Variants in WWOX observed in about 807,000 individuals in gnomAD.
The protein encoded by WWOX is WW domain containing oxidoreductase.
In WWOX, 69 loss-of-function variants were observed where a neutral mutation model predicts 46.2. That is an observed-to-expected ratio of 1.49 (90% CI 1.23 to 1.82). The LOEUF (loss-of-function observed/expected upper bound fraction) is 1.82, where lower values mean the gene tolerates loss of function less well. Ranked by LOEUF, WWOX falls within the 40% of genes most tolerant of loss-of-function variation. WWOX has a pLI of 0.00. For synonymous variants in WWOX, 359 were observed against 202.6 expected, an observed-to-expected ratio of 1.77 and a Z score of -6.56; for missense variants, 919 against 542.6, an observed-to-expected ratio of 1.69 and a Z score of -6.89.
At chr16:78,552,705 A>G (rs1174613798) in intron 8 of WWOX, 1 of 152,240 alleles carries the variant, frequency 6.6e-6, no homozygotes, top group Non-Finnish European at 1.5e-5. Flanking sequence ...AAGAAAAAGC[A>G]GATTTTAAGT....
rs536098243 is a variant in WWOX at position 78,598,318 on chromosome 16, C to G, written c.1056+165566C>G. 1.4e-4 allele frequency among the ~76,000 whole-genome samples: 21 copies of G among 152,314 alleles called. No individual in the cohort carries two copies. In the South Asian group the frequency reaches 4.1e-3, roughly 30 times the overall value. On this transcript the variant is annotated intron_variant, in intron 8 of 8. Transcript: ENST00000566780. Reference sequence around the variant, plus strand: ...GGATTGTGTTTTAAGATGTGTAAGACTGTCTGTCACGTGGGAGGATTTCAA... The same window carrying G: ...GGATTGTGTTTTAAGATGTGTAAGAGTGTCTGTCACGTGGGAGGATTTCAA...
chr16:79,056,021 A>T (rs894743599), intron 8 of WWOX, among the ~76,000 whole-genome samples: 2 of 152,152 alleles, frequency 1.3e-5, no homozygotes, highest in African/African-American at 4.8e-5. Context: ...AGTACTTTCC[A>T]TGAAATAGAA....
chr16:78,174,998 G>GTAATAC (rs1555548219), intron 5 of WWOX, among the ~76,000 whole-genome samples: 1 of 140,880 alleles, frequency 7.1e-6, no homozygotes, highest in African/African-American at 2.6e-5. Context: ...AAAAATAATA[G>GTAATAC]TAATAATAAT....
At chr16:79,195,028 C>G (rs1405265542) in intron 8 of WWOX, among the ~76,000 whole-genome samples, 2 of 152,146 alleles carry the variant, frequency 1.3e-5, no homozygotes, top group Non-Finnish European at 2.9e-5. Context: ...ATGCCTGTTC[C>G]ATATGAGAAC....
At chr16:78,433,050 T>G (rs887588329) in intron 8 of WWOX, among the ~76,000 whole-genome samples, 1 of 152,146 alleles carries the variant, frequency 6.6e-6, no homozygotes, top group Non-Finnish European at 1.5e-5. Context: ...TTTTTGGGGT[T>G]TTTTATTCAG....
chr16:78,350,768 C>T (rs1167928958), intron 5 of WWOX, among the ~76,000 whole-genome samples: 2 of 120,754 alleles, frequency 1.7e-5, no homozygotes, highest in Non-Finnish European at 4.0e-5. Context: ...CACTTGTCTA[C>T]ACATTTTTGT....
At chr16:78,546,152 A>G (rs911932872) in intron 8 of WWOX, among the ~76,000 whole-genome samples, 7 of 152,202 alleles carry the variant, frequency 4.6e-5, no homozygotes, top group African/African-American at 1.7e-4. Flanking sequence ...ATAATTAATC[A>G]CAAAAAGCTA....
rs543322714 is a variant in WWOX, at chr16:78,678,362, C to T, written c.1056+245610C>T. Among the ~76,000 whole-genome samples the T allele has an allele frequency of 5.9e-5, 9 of 152,220 alleles. No homozygotes were observed. The South Asian group carries it at 1.0e-3, about 18-fold the overall frequency. On this transcript the variant is annotated intron_variant, in intron 8 of 8. Coordinates refer to ENST00000566780, the MANE Select transcript of WWOX (RefSeq NM_016373.4). ...CTGCACTTCAGCCTGGGCAACAGAG[C>T]GAGACCTTCTGTCTAAAAATATTTA...
chr16:78,251,766 A>G (rs1260442473), intron 5 of WWOX, among the ~76,000 whole-genome samples: 1 of 152,174 alleles, frequency 6.6e-6, no homozygotes, highest in African/African-American at 2.4e-5. Flanking sequence ...AAGTAATTCT[A>G]TCGTTAAAGG....
intron 8 of WWOX, among the ~76,000 whole-genome samples, chr16:78,819,274 G>A (rs1332427832): frequency 6.6e-6 from 1 of 152,122 alleles, no homozygotes; most frequent in Non-Finnish European, 1.5e-5. Flanking sequence ...TGATTCTGGA[G>A]GCAAGACTCA....
At chr16:78,238,067 C>T (rs2037501782) in intron 5 of WWOX, 1 of 152,210 alleles carries the variant, frequency 6.6e-6, no homozygotes, top group African/African-American at 2.4e-5. Context: ...CCTCAACCCT[C>T]AACTCACTTC....
intron 5 of WWOX, among the ~76,000 whole-genome samples, chr16:78,267,475 A>G (rs775736977): frequency 5.3e-5 from 8 of 152,214 alleles, no homozygotes; most frequent in Non-Finnish European, 1.2e-4. Flanking sequence ...AAGTGTCAGT[A>G]GCTTTCATGA....
At chr16:78,386,222 C>G (rs531258633) in intron 5 of WWOX, among the ~76,000 whole-genome samples, 2 of 152,128 alleles carry the variant, frequency 1.3e-5, no homozygotes, top group Admixed American at 1.3e-4. Context: ...AATGTCCAGC[C>G]CGTGGCAGGC....
At chr16:78,689,545 T>G (rs960468126) in intron 8 of WWOX, among the ~76,000 whole-genome samples, 1 of 152,206 alleles carries the variant, frequency 6.6e-6, no homozygotes, top group African/African-American at 2.4e-5. Flanking sequence ...AGAGTCATTC[T>G]AAGTCAGTCT....
chr16:78,995,437 G>C (rs867248911), intron 8 of WWOX, among the ~76,000 whole-genome samples: 1 of 152,088 alleles, frequency 6.6e-6, no homozygotes, highest in African/African-American at 2.4e-5. Flanking sequence ...GTCCTCAGCC[G>C]TAAGAAAGAA....
intron 6 of WWOX, among the ~76,000 whole-genome samples, chr16:78,403,135 AAATGCATGAG>A (rs2082451465): frequency 6.6e-6 from 1 of 152,362 alleles, no homozygotes; most frequent in African/African-American, 2.4e-5. Flanking sequence ...GAGATGTACA[AAATGCATGAG>A]ATGTTTTATT....
At chr16:78,884,775 T>G (rs2044418491) in intron 8 of WWOX, among the ~76,000 whole-genome samples, 1 of 152,238 alleles carries the variant, frequency 6.6e-6, no homozygotes, top group Non-Finnish European at 1.5e-5. Context: ...TAATGACACA[T>G]GTATGTTTTG....
chr16:79,132,127 AACACAC>A (rs141785224), intron 8 of WWOX, among the ~76,000 whole-genome samples: 13,426 of 141,470 alleles, frequency 0.095, 844 homozygotes, highest in African/African-American at 0.19. Flanking sequence ...CACTTGCAGA[AACACAC>A]ACACACACAC....
At chr16:78,418,710 A>C (rs913746399) in intron 6 of WWOX, among the ~76,000 whole-genome samples, 2 of 152,156 alleles carry the variant, frequency 1.3e-5, no homozygotes, top group East Asian at 1.9e-4. Context: ...CTCTCAATAC[A>C]TACATAAAAA....
Sources: allele counts gnomAD v4.1 joint callset (sites outside exome capture counted in the v4.1 genomes callset), GRCh38; gene constraint gnomAD v4.1.1; transcripts MANE v1.5; gene names NCBI Gene and HGNC (gene_info 2026-07-23, HGNC 2026-07-21).